PCDH7: variants seen among roughly 807,000 people sequenced by gnomAD.
PCDH7 encodes the protein protocadherin-7.
Under a neutral mutation model 58.9 loss-of-function variants are expected in PCDH7, and 17 were observed. The observed-to-expected ratio is 0.29, with a 90% CI of 0.20 to 0.43. PCDH7 has a LOEUF of 0.43. PCDH7 is among the 20% of genes least tolerant of loss of function. The pLI is 1.00. For missense variants in PCDH7, 1,274 were observed against 1,441.0 expected (o/e 0.88, Z 1.88); for synonymous variants, 664 against 616.4 (o/e 1.08, Z -1.14).
intron 1 of PCDH7, among the ~76,000 whole-genome samples, chr4:30,726,936 G>A (rs956746879): frequency 6.6e-6 from 1 of 151,852 alleles, no homozygotes; most frequent in African/African-American, 2.4e-5. Context: ...TGTGCCATAA[G>A]TAGACAATTT....
chr4:30,917,916 A>T (rs763640160), intron 1 of PCDH7, among the ~76,000 whole-genome samples: 1 of 151,904 alleles, frequency 6.6e-6, no homozygotes, highest in African/African-American at 2.4e-5. Flanking sequence ...CTTTTTTTCT[A>T]CTTTTATATC....
At chr4:30,801,165 A>T (rs147947814) in intron 1 of PCDH7, among the ~76,000 whole-genome samples, 1 of 152,214 alleles carries the variant, frequency 6.6e-6, no homozygotes, top group Non-Finnish European at 1.5e-5. Flanking sequence ...GGAAAAGATT[A>T]GATGTTGGGG....
intron 1 of PCDH7, among the ~76,000 whole-genome samples, chr4:30,778,840 T>G (rs1722414298): frequency 6.6e-6 from 1 of 152,110 alleles, no homozygotes; most frequent in African/African-American, 2.4e-5. Context: ...TCTCATAATT[T>G]AAGTGGAAAT....
At chr4:30,814,251 C>T (rs373452334) in intron 1 of PCDH7, among the ~76,000 whole-genome samples, 26 of 151,688 alleles carry the variant, frequency 1.7e-4, no homozygotes, top group African/African-American at 4.1e-4. Context: ...ATAAGTAATA[C>T]GCCTATATTA....
chr4:30,912,407 T>A (rs1479483513), intron 1 of PCDH7, among the ~76,000 whole-genome samples: 1 of 152,220 alleles, frequency 6.6e-6, no homozygotes, highest in Non-Finnish European at 1.5e-5. Flanking sequence ...GCAGCACTCC[T>A]TATAATAATG....
intron 1 of PCDH7, among the ~76,000 whole-genome samples, chr4:30,903,157 CTT>C (rs1294575536): frequency 1.3e-5 from 2 of 152,030 alleles, no homozygotes; most frequent in African/African-American, 4.8e-5. Context: ...AATATCATAA[CTT>C]AATATTATTT....
At chr4:30,826,596 A>T (rs966794779) in intron 1 of PCDH7, among the ~76,000 whole-genome samples, 1 of 152,098 alleles carries the variant, frequency 6.6e-6, no homozygotes, top group African/African-American at 2.4e-5. Flanking sequence ...AGAAATGGAT[A>T]TGCCTCATCA....
At chr4:30,803,819 A>G (rs1435021930) in intron 1 of PCDH7, among the ~76,000 whole-genome samples, 16 of 152,230 alleles carry the variant, frequency 1.1e-4, no homozygotes, top group Non-Finnish European at 2.4e-4. Flanking sequence ...GACCTTGTAA[A>G]TGTAAGACTT....
chr4:31,039,882 G>A (rs1755711703), intron 3 of PCDH7, among the ~76,000 whole-genome samples: 2 of 152,014 alleles, frequency 1.3e-5, no homozygotes, highest in African/African-American at 2.4e-5. Context: ...TTAATACCAA[G>A]CCAATAGACA....
chr4:30,806,549 C>T lies in PCDH7; in HGVS notation c.70+81953C>T, dbSNP rs966487053. Among the ~76,000 whole-genome samples the T allele has an allele frequency of 3.9e-5, 6 of 151,964 alleles. No homozygotes were observed. In the East Asian group the frequency reaches 1.2e-3, roughly 30 times the overall value. ...TCGAACTCCTGACCTCGTGATCCAC[C>T]TGCCTCGGCTTCCCAAAGTGCTGGA... On this transcript the variant is annotated intron_variant, in intron 1 of 3. Transcript: ENST00000509759.
intron 3 of PCDH7, among the ~76,000 whole-genome samples, chr4:31,051,936 A>G (rs1386227568): frequency 1.3e-5 from 2 of 152,052 alleles, no homozygotes; most frequent in African/African-American, 4.8e-5. Context: ...CTTGAATATT[A>G]TGACATTCAT....
intron 1 of PCDH7, among the ~76,000 whole-genome samples, chr4:30,891,920 C>A (rs1738661855): frequency 6.6e-6 from 1 of 151,614 alleles, no homozygotes; most frequent in East Asian, 1.9e-4. Context: ...ATCGTGTTTG[C>A]AAGAATTTTT....
intron 1 of PCDH7, among the ~76,000 whole-genome samples, chr4:30,842,857 A>G (rs1212574306): frequency 1.3e-5 from 2 of 152,168 alleles, no homozygotes; most frequent in East Asian, 3.9e-4. Flanking sequence ...GAGTACCTGC[A>G]GTAATTTTTA....
chr4:30,947,955 G>T (rs879933752), intron 2 of PCDH7, among the ~76,000 whole-genome samples: 1 of 151,874 alleles, frequency 6.6e-6, no homozygotes, highest in Non-Finnish European at 1.5e-5. Flanking sequence ...GAGAACATGC[G>T]GTGTTTAACT....
chr4:30,960,152 AG>A (rs1263604990), intron 3 of PCDH7, among the ~76,000 whole-genome samples: 6 of 33,640 alleles, frequency 1.8e-4, no homozygotes, highest in Non-Finnish European at 2.4e-4. Flanking sequence ...GAAGGAAGGA[AG>A]GGAGGGAGGG....
chr4:30,749,382 T>C (rs1163451453), intron 1 of PCDH7, among the ~76,000 whole-genome samples: 1 of 152,158 alleles, frequency 6.6e-6, no homozygotes, highest in Non-Finnish European at 1.5e-5. Flanking sequence ...GGTGCAAGTT[T>C]TTTTCTTCGT....
chr4:31,085,022 TAG>T (rs1560210877), intron 3 of PCDH7, among the ~76,000 whole-genome samples: 1 of 152,000 alleles, frequency 6.6e-6, no homozygotes, highest in Non-Finnish European at 1.5e-5. Context: ...AGAATTCCAA[TAG>T]AGAGAGTAAT....
chr4:30,901,961 G>GAACC (rs1156524341), intron 1 of PCDH7, among the ~76,000 whole-genome samples: 1 of 152,144 alleles, frequency 6.6e-6, no homozygotes, highest in Non-Finnish European at 1.5e-5. Context: ...TGATGAATAA[G>GAACC]AACCAACCTG....
chr4:31,072,095 C>T (rs542520572), intron 3 of PCDH7, among the ~76,000 whole-genome samples: 212 of 152,000 alleles, frequency 1.4e-3, no homozygotes, highest in South Asian at 2.9e-3. Context: ...ACTAGCACAC[C>T]TCTAAGAAAA....
Sources: gnomAD v4.1 joint callset for allele counts (sites outside exome capture counted in the v4.1 genomes callset) on GRCh38, gnomAD v4.1.1 for gene constraint, MANE v1.5 for transcripts, NCBI Gene and HGNC (gene_info 2026-07-23, HGNC 2026-07-21) for gene names.